CRPPA: variants seen among roughly 807,000 people sequenced by gnomAD.
CRPPA encodes CDP-L-ribitol pyrophosphorylase A.
A neutral mutation model predicts 52.0 loss-of-function variants in CRPPA; 43 were observed. The ratio of observed to expected loss-of-function variants is 0.83; its 90% CI spans 0.65 to 1.07. The LOEUF (loss-of-function observed/expected upper bound fraction) is 1.07. Among genes scored for constraint, CRPPA ranks in the 50% least tolerant of loss-of-function variants. The probability of loss-of-function intolerance (pLI) is 0.00; values close to 1 mark genes in which losing one functional copy is unlikely to be tolerated. For missense variants in CRPPA, 629 were observed against 551.7 expected, an observed-to-expected ratio of 1.14 and a Z score of -1.40; for synonymous variants, 250 against 203.5, an observed-to-expected ratio of 1.23 and a Z score of -1.94.
In CRPPA at chr7:16,421,505, C is replaced by T. The variant is rs1378213401; in HGVS notation, c.-183G>A. 1.3e-5 allele frequency among the ~76,000 whole-genome samples: 2 copies of T among 152,174 alleles called. No homozygotes were observed. Among genetic ancestry groups the T allele is most frequent in the Non-Finnish European group, 2.9e-5 (2 of 68,024 alleles). On this transcript the variant is annotated 5_prime_UTR_variant, in exon 1 of 10. Transcript: ENST00000407010. ...GTTGCTGCCCCGCAGGGGACGATCC[C>T]GACAGCTACGGCAGCAGCTGAGGCT... is the stretch of plus-strand genomic sequence containing the variant.
At chr7:16,174,929 A>ATGCAGT (rs531614970) in intron 9 of CRPPA, among the ~76,000 whole-genome samples, 4 of 152,210 alleles carry the variant, frequency 2.6e-5, no homozygotes, top group Non-Finnish European at 5.9e-5. Flanking sequence ...TAACCTGCAG[A>ATGCAGT]TATTTCCACA....
chr7:16,202,397 T>C (rs1309672385), intron 9 of CRPPA, among the ~76,000 whole-genome samples: 2 of 152,178 alleles, frequency 1.3e-5, no homozygotes, highest in East Asian at 3.8e-4. Flanking sequence ...CTCAAATCTA[T>C]GATGTCCTTA....
intron 2 of CRPPA, among the ~76,000 whole-genome samples, chr7:16,379,688 C>T (rs1313640906): frequency 4.6e-5 from 7 of 152,108 alleles, no homozygotes; most frequent in Non-Finnish European, 8.8e-5. Context: ...TGTAGTTCTC[C>T]TTGAAGAGGT....
At chr7:16,407,057 C>T (rs546809193) in intron 1 of CRPPA, among the ~76,000 whole-genome samples, 1 of 152,190 alleles carries the variant, frequency 6.6e-6, no homozygotes, top group African/African-American at 2.4e-5. Flanking sequence ...TTCACTGCAA[C>T]CTCTGCCTCC....
intron 5 of CRPPA, among the ~76,000 whole-genome samples, chr7:16,295,808 G>A (rs1290377213): frequency 1.3e-5 from 2 of 152,184 alleles, no homozygotes; most frequent in Middle Eastern, 3.4e-3. Context: ...AGCAGACTTG[G>A]GTGGGCTCAA....
intron 3 of CRPPA, among the ~76,000 whole-genome samples, chr7:16,372,132 A>G (rs1231629933): frequency 1.3e-5 from 2 of 152,236 alleles, no homozygotes; most frequent in Admixed American, 1.3e-4. Context: ...ATTTGAGGAA[A>G]TAATTGAGGA....
At chr7:16,207,548 T>A (rs1237579137) in intron 9 of CRPPA, among the ~76,000 whole-genome samples, 3 of 152,136 alleles carry the variant, frequency 2.0e-5, no homozygotes, top group African/African-American at 7.2e-5. Flanking sequence ...AACAAAGATA[T>A]CTCCCTCACT....
chr7:16,391,824 G>C (rs1402212729), intron 2 of CRPPA, among the ~76,000 whole-genome samples: 1 of 152,160 alleles, frequency 6.6e-6, no homozygotes, highest in Non-Finnish European at 1.5e-5. Context: ...TTACATTAGT[G>C]AATCAGTGTT....
intron 2 of CRPPA, among the ~76,000 whole-genome samples, chr7:16,396,242 G>T (rs1037172731): frequency 1.6e-4 from 25 of 152,144 alleles, no homozygotes; most frequent in African/African-American, 5.8e-4. Flanking sequence ...GAAGTATATT[G>T]ATTACAATGG....
intron 9 of CRPPA, among the ~76,000 whole-genome samples, chr7:16,143,062 G>C (rs1025942221): frequency 3.9e-5 from 6 of 152,284 alleles, no homozygotes; most frequent in African/African-American, 1.4e-4. Flanking sequence ...TCTTGTATTT[G>C]GCTGAGTTAT....
At position 16,207,729 on chromosome 7, in the gene CRPPA, T is replaced by C. The variant is rs17169345; in HGVS notation, c.1251+8337A>G. On this transcript the variant is annotated intron_variant, in intron 9 of 9. Coordinates refer to ENST00000407010, the MANE Select transcript of CRPPA (RefSeq NM_001101426.4). ...TTGTCATGCCATTATTTCTTCACTA[T>C]TTCATTACTCAAAATATCAGAAACT... Among the ~76,000 whole-genome samples the C allele has an allele frequency of 4.6e-3, 694 of 152,318 alleles. 10 individuals carry two copies. The highest frequency in any genetic ancestry group is 0.028 in the East Asian group (143 of 5,180).
chr7:16,234,493 A>G (rs1234142104), intron 8 of CRPPA, among the ~76,000 whole-genome samples: 1 of 152,148 alleles, frequency 6.6e-6, no homozygotes, highest in Non-Finnish European at 1.5e-5. Flanking sequence ...AATTCTACTA[A>G]AAAGATCAAG....
chr7:16,125,257 C>CAAAAAAAAAAAAAAA (rs11323226), intron 9 of CRPPA, among the ~76,000 whole-genome samples: 1 of 67,722 alleles, frequency 1.5e-5, no homozygotes. Flanking sequence ...GAGACTGTCT[C>CAAAAAAAAAAAAAAA]AAAAAAAAAA....
rs1412142941 is a variant in CRPPA, at chr7:16,342,802, T to TAGATAGATAGATAGATAG, written c.684+33289_684+33290insCTATCTATCTATCTATCT. On this transcript the variant is annotated intron_variant, in intron 3 of 9. Transcript: ENST00000407010. ...AAAAAAATATATATATATATATCTATATAGATATATAGATATACATATATA... is the reference window on the plus strand; with the variant it reads ...AAAAAAATATATATATATATATCTATAGATAGATAGATAGATAGATAGATATATAGATATACATATATA... Among the ~76,000 whole-genome samples, 18 of 84,814 alleles carry TAGATAGATAGATAGATAG rather than the reference T, an allele frequency of 2.1e-4. 2 individuals carry two copies. Among genetic ancestry groups the TAGATAGATAGATAGATAG allele is most frequent in the African/African-American group, 8.0e-4 (15 of 18,830 alleles). The allele number at this position is 84,814 out of a possible 152,430, so 55.6% of individuals were successfully genotyped here.
chr7:16,303,489 A>AAAAAAAAAAAAAAAAAAAAAAAAAAAAAC (rs1784836296), intron 4 of CRPPA, among the ~76,000 whole-genome samples: 1 of 143,394 alleles, frequency 7.0e-6, no homozygotes, highest in Non-Finnish European at 1.5e-5. Context: ...AAAAAAAAAA[A>AAAAAAAAAAAAAAAAAAAAAAAAAAAAAC]AAAAAAAAAA....
At chr7:16,325,671 A>T (rs890170666) in intron 3 of CRPPA, among the ~76,000 whole-genome samples, 3 of 152,198 alleles carry the variant, frequency 2.0e-5, no homozygotes, top group African/African-American at 7.2e-5. Context: ...GAAAGTTTGT[A>T]TGTATACCAT....
At chr7:16,202,782 A>AT (rs1055028756) in intron 9 of CRPPA, among the ~76,000 whole-genome samples, 5 of 152,164 alleles carry the variant, frequency 3.3e-5, no homozygotes, top group African/African-American at 4.8e-5. Flanking sequence ...TAAACAAACT[A>AT]TTTTTTGTGA....
intron 5 of CRPPA, among the ~76,000 whole-genome samples, chr7:16,293,080 A>G (rs898817412): frequency 7.2e-5 from 11 of 151,922 alleles, no homozygotes; most frequent in African/African-American, 2.7e-4. Context: ...AATCACCTCT[A>G]GTAAGAATGG....
intron 9 of CRPPA, among the ~76,000 whole-genome samples, chr7:16,098,790 T>C (rs1039726658): frequency 2.0e-5 from 3 of 152,194 alleles, no homozygotes. Flanking sequence ...CTAGTGGAGA[T>C]GAAAATAACT....
Sources: allele counts gnomAD v4.1 joint callset (sites outside exome capture counted in the v4.1 genomes callset), GRCh38; gene constraint gnomAD v4.1.1; transcripts MANE v1.5; gene names NCBI Gene and HGNC (gene_info 2026-07-23, HGNC 2026-07-21).